TMPRSS15: variants seen among roughly 807,000 people sequenced by gnomAD.
TMPRSS15 encodes the protein enteropeptidase.
In TMPRSS15, 128 loss-of-function variants were observed where a neutral mutation model predicts 125.3. The ratio of observed to expected loss-of-function variants is 1.02; its 90% CI spans 0.89 to 1.18. TMPRSS15 has a LOEUF of 1.18. Ranked by LOEUF, TMPRSS15 falls within the 50% of genes most tolerant of loss-of-function variation. The pLI, the probability that TMPRSS15 is intolerant of heterozygous loss-of-function variation, is 0.00. For synonymous variants in TMPRSS15, 446 were observed against 423.2 expected, an observed-to-expected ratio of 1.05 and a Z score of -0.66; for missense variants, 1,283 against 1,212.7, an observed-to-expected ratio of 1.06 and a Z score of -0.86.
rs57033426 is a variant in TMPRSS15 at position 18,463,246 on chromosome 21, C to CAAAAAAAAAAA, written c.10+22542_10+22552dup. Among the ~76,000 whole-genome samples, 7 of 11,518 alleles carry CAAAAAAAAAAA rather than the reference C, an allele frequency of 6.1e-4. 3 individuals carry two copies. The highest frequency in any genetic ancestry group is 1.0e-3 in the Non-Finnish European group (6 of 5,906). The allele number at this position is 11,518 out of a possible 152,430, so 7.6% of individuals were successfully genotyped here. A position where few individuals can be genotyped will look rare whatever the true frequency, so the allele number is the denominator to read the frequency against. ...GAATATTTACCAAGCAAATGGAAAGCAAAAAAAAAAAAAAAAAAAAAAAAA... is the reference window on the plus strand; with the variant it reads ...GAATATTTACCAAGCAAATGGAAAGCAAAAAAAAAAAAAAAAAAAAAAAAAAAAAAAAAAAA... On this transcript the variant is annotated intron_variant, in intron 1 of 7. Coordinates refer to the TMPRSS15 transcript ENST00000422787.
intron 24 of TMPRSS15, among the ~76,000 whole-genome samples, chr21:18,270,638 A>C (rs1386843774): frequency 6.6e-6 from 1 of 152,184 alleles, no homozygotes; most frequent in Non-Finnish European, 1.5e-5. Context: ...CCGATTTGAA[A>C]AACATTTCAA....
In TMPRSS15 at chr21:18,283,141, C is replaced by G. The variant is rs539587153; in HGVS notation, c.2487-1920G>C. Reference sequence around the variant, plus strand: ...TTGGCATCTTGATAATTTCAGACAGCACCCCACTTCCACTGTACCCTGGGA... The same window carrying G: ...TTGGCATCTTGATAATTTCAGACAGGACCCCACTTCCACTGTACCCTGGGA... On this transcript the variant is annotated intron_variant, in intron 21 of 24. Coordinates refer to ENST00000284885, the MANE Select transcript of TMPRSS15 (RefSeq NM_002772.3). Among the ~76,000 whole-genome samples the G allele has an allele frequency of 2.8e-4, 42 of 152,264 alleles. 1 individual carries two copies. In the South Asian group the frequency reaches 8.5e-3, roughly 31 times the overall value.
chr21:18,347,721 A>G (rs1381579918), intron 10 of TMPRSS15, among the ~76,000 whole-genome samples: 3 of 152,190 alleles, frequency 2.0e-5, no homozygotes, highest in Non-Finnish European at 4.4e-5. Context: ...ACAACTGAAG[A>G]GATTTTTTCA....
Position 18,403,579 on chromosome 21 carries a change from C to T in TMPRSS15, c.44G>A (p.Ser15Asn), listed in dbSNP as rs61735772. ...RGISSRHHSL[S>N]SYEIMFAALF... is the part of the protein sequence containing the mutation. ...AGCTGCAAACATGATTTCATAGGAG[C>T]TGAGAGAATGATGCCTAGAAGATAT... Residue 15 changes from serine to asparagine, a missense_variant, in exon 1 of 25, where the codon AGC (serine) becomes AAC (asparagine). Ser to Asn is a conservative substitution (Grantham distance 46). Transcript: ENST00000284885. 4.5e-4 allele frequency: 727 copies of T among 1,614,122 alleles called. 6 individuals carry two copies. The African/African-American group carries it at 8.0e-3, about 18-fold the overall frequency.
At chr21:18,441,267 G>A (rs2076240680) in intron 1 of TMPRSS15, among the ~76,000 whole-genome samples, 1 of 140,652 alleles carries the variant, frequency 7.1e-6, no homozygotes, top group Non-Finnish European at 1.5e-5. Flanking sequence ...GGCAACAAGA[G>A]TGAAACTCCG....
intron 1 of TMPRSS15, among the ~76,000 whole-genome samples, chr21:18,413,312 T>TTTCTTTCTTTCC (rs1555911458): frequency 1.1e-5 from 1 of 94,798 alleles, no homozygotes; most frequent in Non-Finnish European, 2.1e-5. Flanking sequence ...TTTTCTTTCT[T>TTTCTTTCTTTCC]TTCCTTCCTT....
At chr21:18,292,827 G>A (rs1218887517) in intron 21 of TMPRSS15, among the ~76,000 whole-genome samples, 1 of 152,150 alleles carries the variant, frequency 6.6e-6, no homozygotes, top group African/African-American at 2.4e-5. Flanking sequence ...TGTTTAGAAG[G>A]GGATGGAAAA....
chr21:18,280,265 G>A (rs185064082), intron 22 of TMPRSS15, among the ~76,000 whole-genome samples: 191 of 151,966 alleles, frequency 1.3e-3, no homozygotes, highest in African/African-American at 4.3e-3. Flanking sequence ...TAATATTATC[G>A]AATCTCCATT....
Position 18,281,236 on chromosome 21 carries a change from G to A in TMPRSS15, c.2487-15C>T. 6.2e-7 allele frequency: 1 copy of A among 1,610,952 alleles called. No individual in the cohort carries two copies. Among genetic ancestry groups the A allele is most frequent in the Non-Finnish European group, 8.5e-7 (1 of 1,177,604 alleles). On this transcript the variant is annotated splice_polypyrimidine_tract_variant and intron_variant, in intron 21 of 24. Transcript: ENST00000284885. ...CTAAGTTTCTCCTGAAAATTGTAATGAAGAAATATGAGACACTCTCCATCC... is the reference window on the plus strand; with the variant it reads ...CTAAGTTTCTCCTGAAAATTGTAATAAAGAAATATGAGACACTCTCCATCC...
chr21:18,432,103 G>T (rs2123213078), intron 1 of TMPRSS15, among the ~76,000 whole-genome samples: 1 of 152,132 alleles, frequency 6.6e-6, no homozygotes, highest in African/African-American at 2.4e-5. Flanking sequence ...AATACATTTT[G>T]CTTTGTCATG....
chr21:18,387,731 CA>C (rs1480727112), intron 3 of TMPRSS15, among the ~76,000 whole-genome samples: 1 of 151,792 alleles, frequency 6.6e-6, no homozygotes, highest in Non-Finnish European at 1.5e-5. Flanking sequence ...GAAAATAGTT[CA>C]ATGACTAAAT....
intron 3 of TMPRSS15, among the ~76,000 whole-genome samples, chr21:18,395,289 TA>T (rs2123111013): frequency 6.6e-6 from 1 of 152,314 alleles, no homozygotes; most frequent in South Asian, 2.1e-4. Context: ...TTTTTTAATA[TA>T]AAAATTAGTA....
At chr21:18,288,780 C>A (rs1044077985) in intron 21 of TMPRSS15, among the ~76,000 whole-genome samples, 12 of 151,616 alleles carry the variant, frequency 7.9e-5, no homozygotes, top group African/African-American at 2.9e-4. Flanking sequence ...CGAGCTCAGG[C>A]CCGCCTCGGC....
chr21:18,353,203 G>A (rs1229542760), intron 9 of TMPRSS15, 151 bp from the exon 10 acceptor site: 2 of 751,570 alleles, frequency 2.7e-6, no homozygotes, highest in African/African-American at 1.8e-5. Flanking sequence ...TAACTCTGTT[G>A]CATTCTATTT....
At chr21:18,331,813 A>G (rs920772569) in intron 14 of TMPRSS15, among the ~76,000 whole-genome samples, 1 of 152,212 alleles carries the variant, frequency 6.6e-6, no homozygotes, top group African/African-American at 2.4e-5. Context: ...TAAATTTGGA[A>G]TTATAATAAT....
At chr21:18,337,729 T>TCTATACTTACCCAAAGAAAGG (rs1325698690) in intron 13 of TMPRSS15, among the ~76,000 whole-genome samples, 2 of 152,214 alleles carry the variant, frequency 1.3e-5, no homozygotes, top group African/African-American at 2.4e-5. Context: ...CTTTAAGTGC[T>TCTATACTTACCCAAAGAAAGG]CTATACGAAC....
At chr21:18,395,217 A>C (rs2076023905) in intron 3 of TMPRSS15, among the ~76,000 whole-genome samples, 1 of 152,174 alleles carries the variant, frequency 6.6e-6, no homozygotes, top group South Asian at 2.1e-4. Flanking sequence ...CACTGCTTGG[A>C]CAATTCCTGA....
intron 10 of TMPRSS15, among the ~76,000 whole-genome samples, chr21:18,350,562 A>G (rs534217005): frequency 2.6e-5 from 4 of 152,152 alleles, no homozygotes; most frequent in Non-Finnish European, 5.9e-5. Context: ...TGCCTGGAAT[A>G]ATCTGTGTGG....
At chr21:18,435,828 A>C (rs1020131793) in intron 1 of TMPRSS15, among the ~76,000 whole-genome samples, 17 of 152,148 alleles carry the variant, frequency 1.1e-4, no homozygotes, top group African/African-American at 3.6e-4. Context: ...TGGTCTATTC[A>C]GAGATTCGAC....
Sources: gnomAD v4.1 joint callset for allele counts (sites outside exome capture counted in the v4.1 genomes callset) on GRCh38, gnomAD v4.1.1 for gene constraint, MANE v1.5 for transcripts, NCBI Gene and HGNC (gene_info 2026-07-23, HGNC 2026-07-21) for gene names.